SLC25A13: variants seen among roughly 807,000 people sequenced by gnomAD.
The protein encoded by SLC25A13 is solute carrier family 25 member 13.
In SLC25A13, 70 loss-of-function variants were observed where a neutral mutation model predicts 85.5. The ratio of observed to expected loss-of-function variants is 0.82; its 90% confidence interval spans 0.68 to 1.00. The LOEUF (loss-of-function observed/expected upper bound fraction) is 1.00. Among genes scored for constraint, SLC25A13 ranks in the 50% least tolerant of loss-of-function variants. SLC25A13 has a pLI of 0.00. For missense variants in SLC25A13, 765 were observed against 819.8 expected (o/e 0.93, Z 0.82); for synonymous variants, 259 against 288.7 (o/e 0.90, Z 1.04).
intron 11 of SLC25A13, among the ~76,000 whole-genome samples, chr7:96,174,650 C>T (rs1339353416): frequency 6.6e-6 from 1 of 152,158 alleles, no homozygotes. Flanking sequence ...GGGTTGAAAG[C>T]ACTGTGATTT....
chr7:96,129,365 G>A (rs1393491949), intron 15 of SLC25A13, among the ~76,000 whole-genome samples: 5 of 152,036 alleles, frequency 3.3e-5, no homozygotes, highest in Admixed American at 3.3e-4. Flanking sequence ...ATCACCACAG[G>A]GATGCCAACT....
intron 15 of SLC25A13, among the ~76,000 whole-genome samples, chr7:96,125,011 C>G (rs1791667483): frequency 6.6e-6 from 1 of 152,154 alleles, no homozygotes; most frequent in African/African-American, 2.4e-5. Flanking sequence ...ATACATATAC[C>G]AAAGTCAGCA....
intron 2 of SLC25A13, among the ~76,000 whole-genome samples, chr7:96,284,918 A>G (rs1331200295): frequency 3.3e-5 from 5 of 152,218 alleles, no homozygotes; most frequent in Non-Finnish European, 7.3e-5. Flanking sequence ...AGACTAATAC[A>G]ATAGTACACA....
Position 96,234,754 on chromosome 7 carries a change from C to T in SLC25A13, c.328+48G>A, listed in dbSNP as rs1388921115. 4.3e-6 allele frequency: 6 copies of T among 1,390,062 alleles called. No homozygotes were observed. The African/African-American group carries it at 5.7e-5, about 13-fold the overall frequency. The allele number at this position is 1,390,062 out of a possible 1,614,324, so 86.1% of individuals were successfully genotyped here. A position where few individuals can be genotyped will look rare whatever the true frequency, so the allele number is the denominator to read the frequency against. ...CTAGAAAAAAAAAAAAGAAAATGCT[C>T]ACACAAGTCCACACTTACACAGACG... is the stretch of plus-strand genomic sequence containing the variant. On this transcript the variant is annotated intron_variant, in intron 4 of 17. Coordinates refer to ENST00000265631, the MANE Select transcript of SLC25A13 (RefSeq NM_014251.3).
intron 13 of SLC25A13, among the ~76,000 whole-genome samples, chr7:96,151,223 T>G (rs1793030326): frequency 6.6e-6 from 1 of 152,196 alleles, no homozygotes; most frequent in Non-Finnish European, 1.5e-5. Context: ...ATAATTATGA[T>G]GAGATCAACA....
chr7:96,299,908 T>C (rs1799490255), intron 1 of SLC25A13, among the ~76,000 whole-genome samples: 2 of 152,114 alleles, frequency 1.3e-5, no homozygotes, highest in Non-Finnish European at 2.9e-5. Flanking sequence ...AGAAAAGGTG[T>C]GGTAAAAATA....
intron 4 of SLC25A13, among the ~76,000 whole-genome samples, chr7:96,231,553 C>T (rs775422940): frequency 3.3e-5 from 5 of 151,954 alleles, no homozygotes; most frequent in South Asian, 2.1e-4. Context: ...GGTAAAACCA[C>T]GTCTCTACTA....
chr7:96,306,513 T>C (rs1445333473), intron 1 of SLC25A13, among the ~76,000 whole-genome samples: 1 of 152,220 alleles, frequency 6.6e-6, no homozygotes, highest in Non-Finnish European at 1.5e-5. Flanking sequence ...GCTTGCCTTT[T>C]GAGCCTCAGC....
chr7:96,242,325 G>T (rs1179432057), intron 3 of SLC25A13, among the ~76,000 whole-genome samples: 1 of 152,136 alleles, frequency 6.6e-6, no homozygotes, highest in Admixed American at 6.6e-5. Flanking sequence ...TGGTCTCCAT[G>T]ATTTTTAACA....
intron 1 of SLC25A13, among the ~76,000 whole-genome samples, chr7:96,300,693 G>C (rs1055879308): frequency 6.6e-6 from 1 of 152,118 alleles, no homozygotes; most frequent in African/African-American, 2.4e-5. Context: ...CCCCAACCCA[G>C]AGTTCCAGGT....
chr7:96,136,409 C>T (rs928459452), intron 14 of SLC25A13, among the ~76,000 whole-genome samples: 4 of 152,186 alleles, frequency 2.6e-5, no homozygotes, highest in African/African-American at 9.7e-5. Flanking sequence ...TAGGATCGTC[C>T]ACTCAAGTTT....
chr7:96,320,108 G>A (rs539563915), intron 1 of SLC25A13, among the ~76,000 whole-genome samples: 2 of 152,302 alleles, frequency 1.3e-5, no homozygotes, highest in East Asian at 1.9e-4. Context: ...GAGTTTAAGC[G>A]ATTCTTCTGC....
intron 13 of SLC25A13, among the ~76,000 whole-genome samples, chr7:96,168,098 G>GGAAAAAAAAA (rs1793836839): frequency 1.0e-4 from 2 of 19,694 alleles, no homozygotes; most frequent in Non-Finnish European, 1.3e-4. Flanking sequence ...AACTCTGTCT[G>GGAAAAAAAAA]AAAAAAAAAA....
intron 13 of SLC25A13, among the ~76,000 whole-genome samples, chr7:96,154,294 C>CTTT (rs1161443008): frequency 1.3e-4 from 16 of 125,514 alleles, no homozygotes; most frequent in African/African-American, 4.1e-4. Flanking sequence ...CACTGAGTGT[C>CTTT]TTTTTTTTTT....
chr7:96,318,887 A>C (rs2117042772), intron 1 of SLC25A13, among the ~76,000 whole-genome samples: 1 of 152,308 alleles, frequency 6.6e-6, no homozygotes, highest in South Asian at 2.1e-4. Flanking sequence ...CAGTCCATTG[A>C]GGTGAAGTCC....
chr7:96,215,091 G>C (rs1402135947), intron 4 of SLC25A13, among the ~76,000 whole-genome samples: 1 of 152,100 alleles, frequency 6.6e-6, no homozygotes, highest in Non-Finnish European at 1.5e-5. Flanking sequence ...ATTCAGAAGA[G>C]CCAAAACAAT....
chr7:96,235,310 C>T (rs990803878), intron 3 of SLC25A13, among the ~76,000 whole-genome samples: 2 of 152,040 alleles, frequency 1.3e-5, no homozygotes, highest in African/African-American at 4.8e-5. Flanking sequence ...TATCCTTATA[C>T]ACCATGCAAA....
intron 13 of SLC25A13, among the ~76,000 whole-genome samples, chr7:96,160,424 A>G (rs1041196018): frequency 2.6e-5 from 4 of 152,226 alleles, no homozygotes; most frequent in African/African-American, 7.2e-5. Context: ...GTAACAAAGT[A>G]TCATAGACTA....
At chr7:96,292,576 C>T (rs1287468296) in intron 2 of SLC25A13, among the ~76,000 whole-genome samples, 1 of 152,206 alleles carries the variant, frequency 6.6e-6, no homozygotes, top group African/African-American at 2.4e-5. Context: ...GCAACTTCAG[C>T]AAAGTCTCAG....
Sources: gnomAD v4.1 joint callset for allele counts (sites outside exome capture counted in the v4.1 genomes callset) on GRCh38, gnomAD v4.1.1 for gene constraint, MANE v1.5 for transcripts, NCBI Gene and HGNC (gene_info 2026-07-23, HGNC 2026-07-21) for gene names.